BCR: variants seen among roughly 807,000 people sequenced by gnomAD.
BCR encodes the protein breakpoint cluster region protein.
In BCR, 58 loss-of-function variants were observed where a neutral mutation model predicts 138.6. That is an observed-to-expected ratio of 0.42 (90% confidence interval 0.34 to 0.52). The LOEUF is 0.52. Ranked by LOEUF, BCR falls within the 20% of genes least tolerant of loss-of-function variation. The pLI is 0.06. For synonymous variants in BCR, 786 were observed against 730.1 expected (o/e 1.08, Z -1.23); for missense variants, 1,599 against 1,727.2 (o/e 0.93, Z 1.32).
At chr22:23,243,922 A>G (rs181926228) in intron 1 of BCR, among the ~76,000 whole-genome samples, 12 of 152,218 alleles carry the variant, frequency 7.9e-5, no homozygotes, top group African/African-American at 2.6e-4. Context: ...GATTACAGGC[A>G]TGAGCCACCG....
chr22:23,274,509 G>A (rs1006268139), intron 8 of BCR, among the ~76,000 whole-genome samples: 8 of 152,212 alleles, frequency 5.3e-5, no homozygotes, highest in African/African-American at 7.2e-5. Context: ...AAGCAGCACT[G>A]AGGCGAGGGG....
At chr22:23,310,189 G>C (rs921354927) in intron 17 of BCR, 135 bp from the exon 18 acceptor site, 16 of 546,418 alleles carry the variant, frequency 2.9e-5, no homozygotes, top group Non-Finnish European at 4.7e-5. Flanking sequence ...TCCCCGAGGG[G>C]CGGCTCCACC....
In BCR at chr22:23,181,726, C is replaced by T. The variant is rs529995152; in HGVS notation, c.766C>T (p.Leu256=). The change falls in exon 1 of 23, where the codon CTG becomes TTG. Residue 256 remains leucine (L), a synonymous_variant. Coordinates refer to ENST00000305877, the MANE Select transcript of BCR (RefSeq NM_004327.4). ...YEDAELNPRF[L]KDNLIDANGG... ...GGACGCCGAGTTGAACCCCCGCTTC[C>T]TGAAGGACAACCTGATCGACGCCAA... The T allele has an allele frequency of 5.4e-5, 87 of 1,604,060 alleles. No homozygotes were observed. The South Asian group carries it at 8.8e-4, about 16-fold the overall frequency.
At chr22:23,269,170 A>G (rs9612269) in intron 5 of BCR, among the ~76,000 whole-genome samples, 55,530 of 152,206 alleles carry the variant, frequency 0.36, 11,143 homozygotes, top group African/African-American at 0.53. Context: ...GGCCATTCAG[A>G]AGGCTGGTGG....
intron 16 of BCR, chr22:23,307,661 G>GC: frequency 6.6e-6 from 1 of 152,002 alleles, no homozygotes. Context: ...TGGCCGCATG[G>GC]CCCCCGGTGG....
intron 1 of BCR, among the ~76,000 whole-genome samples, chr22:23,238,403 A>G (rs1198304067): frequency 6.6e-6 from 1 of 152,000 alleles, no homozygotes; most frequent in East Asian, 1.9e-4. Flanking sequence ...ACATCTGCCC[A>G]CACCTGGAAC....
chr22:23,242,369 C>G (rs1341157657), intron 1 of BCR, among the ~76,000 whole-genome samples: 1 of 152,124 alleles, frequency 6.6e-6, no homozygotes, highest in Non-Finnish European at 1.5e-5. Context: ...TATTTTCTCC[C>G]CTGGTTCAAG....
intron 4 of BCR, among the ~76,000 whole-genome samples, chr22:23,262,527 T>C (rs902602752): frequency 1.1e-4 from 17 of 152,356 alleles, no homozygotes; most frequent in African/African-American, 4.1e-4. Context: ...TTTTGATACA[T>C]GCTGCCCCCT....
At chr22:23,212,971 C>T (rs933312760) in intron 1 of BCR, among the ~76,000 whole-genome samples, 1 of 152,160 alleles carries the variant, frequency 6.6e-6, no homozygotes, top group African/African-American at 2.4e-5. Context: ...GGGAGGCTGC[C>T]GGCCTCAAAA....
Position 23,186,780 on chromosome 22 carries a change from T to C in BCR, c.1279+4541T>C, listed in dbSNP as rs12159557. ...GGAGTGCAGTGGCGTGATCTCTGCT[T>C]ACTGCAGCCTCTGCCTCCCCAGTTC... On this transcript the variant is annotated intron_variant, in intron 1 of 22. Transcript: ENST00000305877. Among the ~76,000 whole-genome samples the C allele has an allele frequency of 4.8e-3, 732 of 152,288 alleles. 5 individuals are homozygous for C. The highest frequency in any genetic ancestry group is 0.017 in the African/African-American group (689 of 41,552).
At chr22:23,294,843 A>G (rs1283917750) in intron 15 of BCR, among the ~76,000 whole-genome samples, 181 bp from the exon 16 acceptor site, 1 of 152,208 alleles carries the variant, frequency 6.6e-6, no homozygotes, top group Non-Finnish European at 1.5e-5. Flanking sequence ...CCACGGTCTC[A>G]TGCCAGGGGT....
intron 15 of BCR, 85 bp downstream of exon 15, chr22:23,292,723 CT>C: frequency 1.7e-6 from 2 of 1,191,156 alleles, no homozygotes; most frequent in Non-Finnish European, 2.4e-6. Flanking sequence ...CCTTCAGGGG[CT>C]CCCTGAGGGC....
At chr22:23,268,244 G>T (rs957871054) in intron 4 of BCR, among the ~76,000 whole-genome samples, 164 bp from the exon 5 acceptor site, 1 of 152,184 alleles carries the variant, frequency 6.6e-6, no homozygotes. Flanking sequence ...CGTGGGGAGG[G>T]GAGCAGGTGG....
intron 8 of BCR, among the ~76,000 whole-genome samples, chr22:23,279,742 T>C (rs2073621379): frequency 6.6e-6 from 1 of 152,260 alleles, no homozygotes. Context: ...GTAGTTCGTG[T>C]ACCTGGGGAA....
chr22:23,256,517 C>T (rs549677014), intron 2 of BCR, among the ~76,000 whole-genome samples: 4 of 152,252 alleles, frequency 2.6e-5, no homozygotes, highest in South Asian at 2.1e-4. Flanking sequence ...GGGTGTTCGC[C>T]GGCTGGGCCG....
chr22:23,214,707 G>A (rs2072730315), intron 1 of BCR, among the ~76,000 whole-genome samples: 1 of 152,242 alleles, frequency 6.6e-6, no homozygotes, highest in South Asian at 2.1e-4. Flanking sequence ...CCTTCTCAGA[G>A]CAGAGAAACA....
At chr22:23,232,854 C>T (rs1275484732) in intron 1 of BCR, among the ~76,000 whole-genome samples, 1 of 152,148 alleles carries the variant, frequency 6.6e-6, no homozygotes, top group East Asian at 1.9e-4. Context: ...CCATGGAGCC[C>T]CTGTTCTGGA....
At chr22:23,221,600 AGT>A (rs1489300262) in intron 1 of BCR, among the ~76,000 whole-genome samples, 2 of 152,230 alleles carry the variant, frequency 1.3e-5, no homozygotes. Context: ...CACACTGCTC[AGT>A]GCTTCTTAGA....
intron 11 of BCR, 114 bp downstream of exon 11, chr22:23,287,392 C>T (rs748649736): frequency 9.8e-5 from 138 of 1,408,254 alleles, no homozygotes; most frequent in South Asian, 3.1e-4. Flanking sequence ...GAGGCATGTC[C>T]GGCATGGTGC....
Sources: gnomAD v4.1 joint callset for allele counts (sites outside exome capture counted in the v4.1 genomes callset) on GRCh38, gnomAD v4.1.1 for gene constraint, MANE v1.5 for transcripts, NCBI Gene and HGNC (gene_info 2026-07-23, HGNC 2026-07-21) for gene names.